The following PTPRG variants were observed in gnomAD, a reference collection of about 807,000 sequenced individuals.
PTPRG encodes the protein receptor-type tyrosine-protein phosphatase gamma.
PTPRG carries 102 observed loss-of-function variants against 165.3 expected under a neutral mutation model. The ratio of observed to expected loss-of-function variants is 0.62; its 90% CI spans 0.53 to 0.73. The LOEUF is 0.73. PTPRG is among the 30% of genes least tolerant of loss of function. The pLI is 0.00. For synonymous variants in PTPRG, 675 were observed against 669.5 expected, an observed-to-expected ratio of 1.01 and a Z score of -0.13; for missense variants, 1,866 against 1,861.4, an observed-to-expected ratio of 1.00 and a Z score of -0.05.
intron 4 of PTPRG, among the ~76,000 whole-genome samples, chr3:62,015,865 G>T (rs1411802937): frequency 6.6e-6 from 1 of 152,014 alleles, no homozygotes; most frequent in Admixed American, 6.6e-5. Flanking sequence ...CAGGGCATGC[G>T]GTTTATACTT....
chr3:61,614,745 T>A (rs76046648), intron 1 of PTPRG, among the ~76,000 whole-genome samples: 2,458 of 152,248 alleles, frequency 0.016, 62 homozygotes, highest in African/African-American at 0.056. Context: ...CTAATTAGGT[T>A]TTTGTTGAGG....
chr3:62,060,144 C>A (rs979371774), intron 4 of PTPRG, among the ~76,000 whole-genome samples: 1 of 148,516 alleles, frequency 6.7e-6, no homozygotes, highest in Admixed American at 6.8e-5. Context: ...CCCAGGAGGT[C>A]GAGGCTGCAG....
chr3:62,282,633 TA>T lies in PTPRG; in HGVS notation c.3913-92del, dbSNP rs1702497104. 2.3e-6 allele frequency: 3 copies of T among 1,314,040 alleles called. No individual in the cohort carries two copies. The South Asian group carries it at 4.8e-5, about 21-fold the overall frequency. 81.4% of individuals were successfully genotyped at this position (1,314,040 alleles called of 1,614,324 possible). A position where few individuals can be genotyped will look rare whatever the true frequency, so the allele number is the denominator to read the frequency against. The stretch of plus-strand genomic sequence containing the variant: ...ACACAACATTGTTGAGAGTTACCTA[TA>T]ACACATGGCTTTCTCAGGAGCAAGT... On this transcript the variant is annotated intron_variant, in intron 27 of 29. Transcript: ENST00000474889.
intron 1 of PTPRG, among the ~76,000 whole-genome samples, chr3:61,658,122 C>T (rs1559543864): frequency 1.3e-5 from 2 of 152,170 alleles, no homozygotes; most frequent in Non-Finnish European, 2.9e-5. Flanking sequence ...GGAATTGAAT[C>T]TGCATGTACT....
intron 2 of PTPRG, among the ~76,000 whole-genome samples, chr3:61,986,654 G>A (rs965823394): frequency 6.6e-6 from 1 of 152,056 alleles, no homozygotes; most frequent in Non-Finnish European, 1.5e-5. Flanking sequence ...TTTCTACCCC[G>A]CCCTTACCTC....
At chr3:61,946,773 C>G (rs1034809631) in intron 2 of PTPRG, among the ~76,000 whole-genome samples, 2 of 152,238 alleles carry the variant, frequency 1.3e-5, no homozygotes, top group African/African-American at 4.8e-5. Context: ...TGTTTACTTT[C>G]AACTCTCAGA....
intron 2 of PTPRG, among the ~76,000 whole-genome samples, chr3:61,871,308 G>T (rs1488858252): frequency 6.6e-6 from 1 of 151,958 alleles, no homozygotes; most frequent in Non-Finnish European, 1.5e-5. Flanking sequence ...ACTCACTGCA[G>T]CCTCAACCTC....
chr3:61,579,905 G>C (rs1308597395), intron 1 of PTPRG, among the ~76,000 whole-genome samples: 1 of 152,022 alleles, frequency 6.6e-6, no homozygotes, highest in Non-Finnish European at 1.5e-5. Context: ...GAACTGTGTG[G>C]GTCCACTTAT....
chr3:61,571,588 A>G (rs1297803585), intron 1 of PTPRG, among the ~76,000 whole-genome samples: 3 of 152,234 alleles, frequency 2.0e-5, no homozygotes, highest in African/African-American at 7.2e-5. Context: ...TAGCTTCTGA[A>G]TAAGCTGATA....
At chr3:61,774,184 C>A (rs2034300217) in intron 2 of PTPRG, among the ~76,000 whole-genome samples, 1 of 152,118 alleles carries the variant, frequency 6.6e-6, no homozygotes, top group Admixed American at 6.5e-5. Flanking sequence ...AAGATTTTGT[C>A]AAAAATCGAG....
chr3:61,890,363 G>A (rs187490722), intron 2 of PTPRG, among the ~76,000 whole-genome samples: 15 of 149,920 alleles, frequency 1.0e-4, no homozygotes, highest in African/African-American at 3.4e-4. Context: ...TGTGCAAGGC[G>A]ATGGTCAGTG....
chr3:61,740,499 G>C (rs2032933372), intron 1 of PTPRG, among the ~76,000 whole-genome samples: 2 of 152,104 alleles, frequency 1.3e-5, no homozygotes, highest in African/African-American at 2.4e-5. Context: ...GTTAATGGCA[G>C]AGGAATGACT....
intron 2 of PTPRG, among the ~76,000 whole-genome samples, chr3:61,979,000 G>A (rs2040573597): frequency 6.6e-6 from 1 of 152,168 alleles, no homozygotes; most frequent in South Asian, 2.1e-4. Flanking sequence ...AAATGGGGAA[G>A]GTAGGGCATA....
chr3:61,754,596 G>A (rs190477959), intron 2 of PTPRG, among the ~76,000 whole-genome samples: 93 of 152,212 alleles, frequency 6.1e-4, no homozygotes, highest in South Asian at 1.2e-3. Context: ...GTGGATACAC[G>A]GATAAATTAA....
chr3:62,100,855 T>C (rs1182011237), intron 5 of PTPRG, among the ~76,000 whole-genome samples: 1 of 152,190 alleles, frequency 6.6e-6, no homozygotes, highest in Non-Finnish European at 1.5e-5. Flanking sequence ...TTTTGTTTCG[T>C]TTTATTTTGT....
intron 2 of PTPRG, among the ~76,000 whole-genome samples, chr3:61,932,428 T>C (rs1257678322): frequency 1.3e-5 from 2 of 152,232 alleles, no homozygotes; most frequent in Non-Finnish European, 2.9e-5. Context: ...TGTAGGAGAC[T>C]ATGAATACTT....
chr3:61,681,381 C>A (rs1703435380), intron 1 of PTPRG, among the ~76,000 whole-genome samples: 1 of 152,196 alleles, frequency 6.6e-6, no homozygotes, highest in South Asian at 2.1e-4. Context: ...CTTGACCCTG[C>A]AATCTGCATT....
chr3:62,108,515 G>A (rs557975846), intron 5 of PTPRG, among the ~76,000 whole-genome samples: 1 of 152,294 alleles, frequency 6.6e-6, no homozygotes, highest in South Asian at 2.1e-4. Flanking sequence ...ATGTGTGCAT[G>A]TGTCTTTATT....
Position 62,269,138 on chromosome 3 carries a change from G to A in PTPRG, c.2978G>A (p.Arg993His), listed in dbSNP as rs771320696. 34 of 1,592,516 alleles carry A rather than the reference G, an allele frequency of 2.1e-5. No individual in the cohort carries two copies. The highest frequency in any genetic ancestry group is 2.7e-5 in the African/African-American group (2 of 74,654). The change falls in exon 20 of 30, where the codon CGT becomes CAT. Residue 993 changes from arginine to histidine, a missense_variant. Around this residue, in one of 3 missense-constraint regions of PTPRG, gnomAD observed 1,452 missense variants for 1,463.0 expected, o/e 0.99. Transcript: ENST00000474889. ...ATACATGCCTGCTACACTGTTCGTCGTTTTTCAATCAGAAATACAAAAGTG... is the reference window on the plus strand; with the variant it reads ...ATACATGCCTGCTACACTGTTCGTCATTTTTCAATCAGAAATACAAAAGTG... ...TKIHACYTVR[R>H]FSIRNTKVKK...
Sources: allele counts gnomAD v4.1 joint callset (sites outside exome capture counted in the v4.1 genomes callset), GRCh38; gene constraint gnomAD v4.1.1; regional missense constraint gnomAD v4.1.1; transcripts MANE v1.5; gene names NCBI Gene and HGNC (gene_info 2026-07-23, HGNC 2026-07-21).